The following PPIG variants were observed in gnomAD, a reference collection of about 807,000 sequenced individuals.
The protein encoded by PPIG is peptidyl-prolyl cis-trans isomerase G.
In PPIG, 26 loss-of-function variants were observed where a neutral mutation model predicts 87.9. That is an observed-to-expected ratio of 0.30 (90% CI 0.22 to 0.41). The LOEUF (loss-of-function observed/expected upper bound fraction) is 0.41, where lower values mean the gene tolerates loss of function less well. Among genes scored for constraint, PPIG ranks in the 10% least tolerant of loss-of-function variants. The pLI is 1.00. For missense variants in PPIG, 722 were observed against 879.4 expected (o/e 0.82, Z 2.26); for synonymous variants, 308 against 276.5 (o/e 1.11, Z -1.13).
chr2:169,634,107 C>T (rs779848854), intron 12 of PPIG, among the ~76,000 whole-genome samples: 1 of 152,124 alleles, frequency 6.6e-6, no homozygotes, highest in African/African-American at 2.4e-5. Context: ...TTCACCCAGG[C>T]TGGAGTGCAG....
chr2:169,639,120 G>T lies in PPIG; in HGVS notation c.*1597G>T, dbSNP rs965096959. The T allele has an allele frequency of 6.6e-6, 1 of 151,946 alleles. No individual in the cohort carries two copies. Among genetic ancestry groups the T allele is most frequent in the Non-Finnish European group, 1.5e-5 (1 of 67,882 alleles). 9.4% of individuals were successfully genotyped at this position (151,946 alleles called of 1,614,324 possible). On this transcript the variant is annotated 3_prime_UTR_variant, in exon 14 of 14. Transcript: ENST00000260970. The stretch of plus-strand genomic sequence containing the variant: ...TGAATAGTGTAATGACCATAAGATT[G>T]CTTGGAAAATTGTAATACAGATATC...
At chr2:169,606,304 A>G (rs972306578) in intron 5 of PPIG, among the ~76,000 whole-genome samples, 158 bp downstream of exon 5, 1 of 152,164 alleles carries the variant, frequency 6.6e-6, no homozygotes, top group African/African-American at 2.4e-5. Flanking sequence ...AAAAGAAGGA[A>G]GCTCATAGGC....
chr2:169,604,161 G>A, intron 3 of PPIG, 26 bp from the exon 4 acceptor site: 1 of 1,611,352 alleles, frequency 6.2e-7, no homozygotes, highest in Non-Finnish European at 8.5e-7. Context: ...TAGTAAAGAA[G>A]TTTAACCAAC....
At chr2:169,593,170 A>G (rs914442693) in intron 1 of PPIG, among the ~76,000 whole-genome samples, 1 of 151,634 alleles carries the variant, frequency 6.6e-6, no homozygotes, top group Non-Finnish European at 1.5e-5. Flanking sequence ...TTATAATAGC[A>G]GTACATTTAT....
Position 169,637,268 on chromosome 2 carries a change from T to A in PPIG, c.2010T>A (p.Asp670Glu). ...AAAGAATGTACTCTAAAAGTCGTGA[T>A]CATAATAGCTCAAATAACAGCAGGG... ...SEKRMYSKSR[D>E]HNSSNNSREK... The change falls in exon 14 of 14, where the codon GAT (aspartate) becomes GAA (glutamate). Residue 670 changes from aspartate (D) to glutamate (E), a missense_variant. Asp to Glu is a conservative substitution (Grantham distance 45). Coordinates refer to ENST00000260970, the MANE Select transcript of PPIG (RefSeq NM_004792.3). 6.2e-7 allele frequency: 1 copy of A among 1,609,884 alleles called. No individual in the cohort carries two copies. Among genetic ancestry groups the A allele is most frequent in the Non-Finnish European group, 8.5e-7 (1 of 1,179,116 alleles).
chr2:169,619,861 G>T (rs1348464722), intron 9 of PPIG, among the ~76,000 whole-genome samples: 2 of 151,886 alleles, frequency 1.3e-5, no homozygotes, highest in African/African-American at 2.4e-5. Context: ...CCATATACCT[G>T]TTGGCCATTT....
intron 1 of PPIG, among the ~76,000 whole-genome samples, chr2:169,592,306 T>TTC (rs1553543297): frequency 6.7e-5 from 9 of 133,406 alleles, no homozygotes; most frequent in East Asian, 2.2e-4. Flanking sequence ...CTTTTTTCTT[T>TTC]TTTTTTTTTT....
chr2:169,621,367 C>T (rs1042087230), intron 9 of PPIG, among the ~76,000 whole-genome samples: 12 of 151,800 alleles, frequency 7.9e-5, no homozygotes, highest in African/African-American at 2.4e-4. Flanking sequence ...AATAAATATT[C>T]ACAGGTAAGT....
chr2:169,621,951 TA>T (rs965917968), intron 9 of PPIG, among the ~76,000 whole-genome samples: 3 of 138,254 alleles, frequency 2.2e-5, no homozygotes, highest in African/African-American at 8.3e-5. Context: ...AATTTTTTTT[TA>T]ATTAACCATG....
intron 9 of PPIG, among the ~76,000 whole-genome samples, chr2:169,627,746 C>T (rs1685931305): frequency 7.9e-6 from 1 of 126,648 alleles, no homozygotes; most frequent in Non-Finnish European, 1.6e-5. Flanking sequence ...ACTAAATGGG[C>T]TTGCTTTTAA....
chr2:169,589,759 G>A (rs1574432581), intron 1 of PPIG, among the ~76,000 whole-genome samples: 1 of 152,016 alleles, frequency 6.6e-6, no homozygotes, highest in Non-Finnish European at 1.5e-5. Flanking sequence ...GATTACTGGT[G>A]GTAGGTTCTG....
At chr2:169,633,269 G>T (rs1686104239) in intron 12 of PPIG, 22 bp downstream of exon 12, 1 of 1,481,128 alleles carries the variant, frequency 6.8e-7, no homozygotes, top group African/African-American at 1.4e-5. Context: ...TTTCCCCAGA[G>T]ATCTTCACAA....
chr2:169,617,383 T>C (rs1685633198), intron 9 of PPIG, among the ~76,000 whole-genome samples: 1 of 152,198 alleles, frequency 6.6e-6, no homozygotes. Flanking sequence ...GCAGTTTTTT[T>C]CTGATTCTGT....
chr2:169,588,560 A>T (rs1382597776), intron 1 of PPIG, among the ~76,000 whole-genome samples: 5 of 152,156 alleles, frequency 3.3e-5, no homozygotes. Flanking sequence ...GAATTACTGG[A>T]TTGAATAATG....
chr2:169,605,649 A>AAG (rs1685304772), intron 4 of PPIG, among the ~76,000 whole-genome samples: 1 of 150,864 alleles, frequency 6.6e-6, no homozygotes, highest in Admixed American at 6.6e-5. Context: ...GAAAAAAAAA[A>AAG]TTAGCCGGGT....
chr2:169,631,771 C>G lies in PPIG; in HGVS notation c.767C>G (p.Ser256Cys), dbSNP rs1475681517. 1.9e-6 allele frequency: 3 copies of G among 1,613,648 alleles called. No homozygotes were observed. The highest frequency in any genetic ancestry group is 1.1e-5 in the South Asian group (1 of 91,070). Residue 256 changes from serine (S) to cysteine (C), a missense_variant, in exon 11 of 14, where the codon TCT becomes TGT. By Grantham distance (112) the Ser-to-Cys change is moderately radical. This residue lies in a region of PPIG where 142 missense variants were observed against 152.8 expected (regional missense o/e 0.93). Coordinates refer to ENST00000260970, the MANE Select transcript of PPIG (RefSeq NM_004792.3). ...KKRKKSKKSA[S>C]SESEAENLEA... ...GTGTGTTTCTGTCTGTTAAGTGCAT[C>G]TAGTGAGAGTGAAGCTGAAAATCTT...
chr2:169,601,974 G>GT (rs1197714644), intron 1 of PPIG, among the ~76,000 whole-genome samples: 1 of 151,738 alleles, frequency 6.6e-6, no homozygotes, highest in African/African-American at 2.4e-5. Flanking sequence ...GGTTGTACAA[G>GT]TTGAACATCA....
intron 12 of PPIG, chr2:169,633,510 C>T: frequency 1.9e-6 from 1 of 530,636 alleles, no homozygotes; most frequent in African/African-American, 2.0e-5. Context: ...TGTTTCTTGG[C>T]AATCACTGTA....
intron 1 of PPIG, among the ~76,000 whole-genome samples, chr2:169,586,067 CT>C (rs1313813806): frequency 1.3e-5 from 2 of 151,896 alleles, no homozygotes; most frequent in Non-Finnish European, 2.9e-5. Context: ...TAGCACTCCC[CT>C]TTTTTTTATG....
Sources: allele counts gnomAD v4.1 joint callset (sites outside exome capture counted in the v4.1 genomes callset), GRCh38; gene constraint gnomAD v4.1.1; regional missense constraint gnomAD v4.1.1; transcripts MANE v1.5; gene names NCBI Gene and HGNC (gene_info 2026-07-23, HGNC 2026-07-21).